Variants in TTBK2 observed in about 807,000 individuals in gnomAD.
The protein encoded by TTBK2 is tau-tubulin kinase 2.
A neutral mutation model predicts 110.8 loss-of-function variants in TTBK2; 28 were observed. The ratio of observed to expected loss-of-function variants is 0.25; its 90% CI spans 0.19 to 0.35. The LOEUF (loss-of-function observed/expected upper bound fraction) is 0.35, where lower values mean the gene tolerates loss of function less well. TTBK2 is among the 10% of genes least tolerant of loss of function. TTBK2 has a pLI of 1.00. For synonymous variants in TTBK2, 532 were observed against 527.3 expected (o/e 1.01, Z -0.12); for missense variants, 1,369 against 1,500.3 (o/e 0.91, Z 1.45).
chr15:42,764,372 C>T (rs1049436597), intron 13 of TTBK2, among the ~76,000 whole-genome samples: 23 of 152,316 alleles, frequency 1.5e-4, no homozygotes, highest in Admixed American at 1.2e-3. Flanking sequence ...CCGTGACAGA[C>T]GGTACCTGGA....
chr15:42,780,347 C>CT (rs201645746), intron 11 of TTBK2, among the ~76,000 whole-genome samples: 4,433 of 141,174 alleles, frequency 0.031, 74 homozygotes, highest in African/African-American at 0.034. Context: ...CATTCTTTTT[C>CT]TTTTTTTTTT....
At position 42,775,117 on chromosome 15, in the gene TTBK2, T is replaced by C; in HGVS notation, c.1998+18A>G. ...TTGAGTGGATAACAGAGAATAATAA[T>C]AAAAACAAATTTCTTACCGCTGTAA... On this transcript the variant is annotated intron_variant, in intron 13 of 14. Transcript: ENST00000267890. The C allele has an allele frequency of 2.5e-6, 4 of 1,609,200 alleles. No homozygotes were observed. The highest frequency in any genetic ancestry group is 1.3e-5 in the African/African-American group (1 of 75,016).
intron 6 of TTBK2, among the ~76,000 whole-genome samples, chr15:42,825,181 G>A (rs1892476528): frequency 6.6e-6 from 1 of 151,944 alleles, no homozygotes. Flanking sequence ...GAGAGGCACT[G>A]GATAAAAAAA....
rs145949577 is a variant in TTBK2 at position 42,887,572 on chromosome 15, T to C, written c.-67-8888A>G. Among the ~76,000 whole-genome samples, 12 of 152,318 alleles carry C rather than the reference T, an allele frequency of 7.9e-5. No homozygotes were observed. The East Asian group carries it at 2.3e-3, about 29-fold the overall frequency. Reference sequence around the variant, plus strand: ...CTCTTTATAATTCCCCCATTTTACCTGTCCAAAAACTGGACCAGTCTTACA... The same window carrying C: ...CTCTTTATAATTCCCCCATTTTACCCGTCCAAAAACTGGACCAGTCTTACA... On this transcript the variant is annotated intron_variant, in intron 1 of 14. Transcript: ENST00000267890.
In TTBK2 at chr15:42,746,270, G is replaced by A. The variant is rs765204638; in HGVS notation, c.3273-13C>T. ...ATATCTGCGTAGCCTTAAAAGAACAGAGAAAATATATTTTAATTTTAATTC... is the reference window on the plus strand; with the variant it reads ...ATATCTGCGTAGCCTTAAAAGAACAAAGAAAATATATTTTAATTTTAATTC... On this transcript the variant is annotated splice_polypyrimidine_tract_variant and intron_variant, in intron 14 of 14. Coordinates refer to ENST00000267890, the MANE Select transcript of TTBK2 (RefSeq NM_173500.4). 1.5e-5 allele frequency: 23 copies of A among 1,583,158 alleles called. No homozygotes were observed. The highest frequency in any genetic ancestry group is 1.7e-5 in the Admixed American group (1 of 58,676).
At chr15:42,796,407 AAAG>A (rs1890944566) in intron 9 of TTBK2, among the ~76,000 whole-genome samples, 1 of 152,198 alleles carries the variant, frequency 6.6e-6, no homozygotes, top group African/African-American at 2.4e-5. Context: ...TCTCAAAAAA[AAAG>A]AGAGAGAGAG....
intron 3 of TTBK2, among the ~76,000 whole-genome samples, chr15:42,860,728 G>A (rs1196055196): frequency 6.7e-6 from 1 of 149,140 alleles, no homozygotes; most frequent in South Asian, 2.1e-4. Context: ...GTGTAATGGC[G>A]GATCTCAGCT....
intron 3 of TTBK2, among the ~76,000 whole-genome samples, chr15:42,853,932 T>A (rs937946366): frequency 4.0e-5 from 6 of 148,834 alleles, no homozygotes; most frequent in East Asian, 1.9e-4. Context: ...TACAGAATAT[T>A]TTTTTTTTAT....
In TTBK2 at chr15:42,741,055, C is replaced by A. The variant is rs2061746830; in HGVS notation, c.*4740G>T. 2 of 152,186 alleles carry A rather than the reference C, an allele frequency of 1.3e-5. No homozygotes were observed. The highest frequency in any genetic ancestry group is 4.8e-5 in the African/African-American group (2 of 41,442). 9.4% of individuals were successfully genotyped at this position (152,186 alleles called of 1,614,324 possible). A position where few individuals can be genotyped will look rare whatever the true frequency, so the allele number is the denominator to read the frequency against. ...ATAGGAATTCTCCATGTACCTCCTA[C>A]AGTTTTTCTAGCAGTGTTGGACAAT... On this transcript the variant is annotated 3_prime_UTR_variant, in exon 15 of 15. Coordinates refer to ENST00000267890, the MANE Select transcript of TTBK2 (RefSeq NM_173500.4).
intron 1 of TTBK2, among the ~76,000 whole-genome samples, chr15:42,915,567 G>T (rs1035667669): frequency 3.9e-5 from 6 of 152,184 alleles, no homozygotes; most frequent in Admixed American, 2.0e-4. Context: ...TCCACTGGGG[G>T]TCTTGGAATG....
In TTBK2 at chr15:42,743,184, A is replaced by T. The variant is rs973568286; in HGVS notation, c.*2611T>A. 1 of 152,254 alleles carries T rather than the reference A, an allele frequency of 6.6e-6. No homozygotes were observed. Among genetic ancestry groups the T allele is most frequent in the African/African-American group, 2.4e-5 (1 of 41,464 alleles). The allele number at this position is 152,254 out of a possible 1,614,324, so 9.4% of individuals were successfully genotyped here. On this transcript the variant is annotated 3_prime_UTR_variant, in exon 15 of 15. Coordinates refer to ENST00000267890, the MANE Select transcript of TTBK2 (RefSeq NM_173500.4). ...GTTAATTCTTTCCTCTACATGCAAA[A>T]TAAAATATTCTTAAACGATGGACTG...
intron 3 of TTBK2, among the ~76,000 whole-genome samples, chr15:42,864,571 C>T (rs1194546564): frequency 6.6e-6 from 1 of 151,150 alleles, no homozygotes. Flanking sequence ...GCAATAAGAA[C>T]GAAACTCCAT....
chr15:42,840,342 G>T lies in TTBK2; in HGVS notation c.291+18C>A. 1 of 1,607,732 alleles carries T rather than the reference G, an allele frequency of 6.2e-7. No individual in the cohort carries two copies. The highest frequency in any genetic ancestry group is 8.5e-7 in the Non-Finnish European group (1 of 1,174,360). The stretch of plus-strand genomic sequence containing the variant: ...TCAAAACTGAAGAATTTAAAGATAC[G>T]TTTTCAAGGTAACCTACCTGCAACT... On this transcript the variant is annotated intron_variant, in intron 4 of 14. Transcript: ENST00000267890.
chr15:42,815,276 G>T (rs1443294573), intron 7 of TTBK2, among the ~76,000 whole-genome samples: 1 of 151,796 alleles, frequency 6.6e-6, no homozygotes, highest in African/African-American at 2.4e-5. Flanking sequence ...TACACACCGA[G>T]AAAAATAGCT....
chr15:42,823,533 C>T (rs775185407), intron 6 of TTBK2, among the ~76,000 whole-genome samples: 1 of 152,108 alleles, frequency 6.6e-6, no homozygotes, highest in East Asian at 1.9e-4. Context: ...TCCTATACCA[C>T]AAGATTGGTA....
At chr15:42,751,818 T>C (rs978544215) in intron 14 of TTBK2, among the ~76,000 whole-genome samples, 156 bp downstream of exon 14, 1 of 152,220 alleles carries the variant, frequency 6.6e-6, no homozygotes, top group Non-Finnish European at 1.5e-5. Flanking sequence ...AAAAATCTGA[T>C]TACTTCTACT....
intron 13 of TTBK2, among the ~76,000 whole-genome samples, chr15:42,771,849 G>A (rs1293426988): frequency 2.0e-5 from 3 of 152,126 alleles, no homozygotes; most frequent in East Asian, 3.9e-4. Context: ...CTCCTGGCAC[G>A]AGGGACGGAA....
At chr15:42,820,190 T>C (rs981226479) in intron 6 of TTBK2, among the ~76,000 whole-genome samples, 1 of 152,180 alleles carries the variant, frequency 6.6e-6, no homozygotes, top group Non-Finnish European at 1.5e-5. Flanking sequence ...AGAAATAATG[T>C]CAGATCAAGG....
chr15:42,868,314 G>T (rs1266037713), intron 3 of TTBK2, among the ~76,000 whole-genome samples: 9 of 152,252 alleles, frequency 5.9e-5, no homozygotes, highest in Non-Finnish European at 4.4e-5. Context: ...CAGGCCCACA[G>T]AATGTTCAAT....
Sources: allele counts gnomAD v4.1 joint callset (sites outside exome capture counted in the v4.1 genomes callset), GRCh38; gene constraint gnomAD v4.1.1; transcripts MANE v1.5; gene names NCBI Gene and HGNC (gene_info 2026-07-23, HGNC 2026-07-21).